Variants in PI4KA observed in about 807,000 individuals in gnomAD.
The protein encoded by PI4KA is phosphatidylinositol 4-kinase alpha.
Under a neutral mutation model 271.4 loss-of-function variants are expected in PI4KA, and 122 were observed. The observed-to-expected ratio is 0.45, with a 90% CI of 0.39 to 0.52. PI4KA has a LOEUF of 0.52. Ranked by LOEUF, PI4KA falls within the 20% of genes least tolerant of loss-of-function variation. The pLI, the probability that PI4KA is intolerant of heterozygous loss-of-function variation, is 0.00. For synonymous variants in PI4KA, 1,041 were observed against 1,078.8 expected, an observed-to-expected ratio of 0.96 and a Z score of 0.69; for missense variants, 1,969 against 2,769.1, an observed-to-expected ratio of 0.71 and a Z score of 6.48.
At chr22:20,780,020 C>T (rs1203803426) in intron 19 of PI4KA, 1 of 1,614,032 alleles carries the variant, frequency 6.2e-7, no homozygotes, top group Non-Finnish European at 8.5e-7. Context: ...TGCTTGACTT[C>T]AAAACTAAAG....
chr22:20,735,690 CA>C (rs1928625920), intron 32 of PI4KA, among the ~76,000 whole-genome samples: 1 of 152,224 alleles, frequency 6.6e-6, no homozygotes, highest in Admixed American at 6.5e-5. Flanking sequence ...AGGGTGGAGA[CA>C]AAGGCCACAT....
rs764046756 is a variant in PI4KA, at chr22:20,727,222, G to A, written c.4941+8C>T. On this transcript the variant is annotated splice_region_variant and intron_variant, in intron 41 of 54. Coordinates refer to ENST00000255882, the MANE Select transcript of PI4KA (RefSeq NM_058004.4). ...CCAGAGGCCAGCTCAGCAGGGCCCT[G>A]GGCTCACCGGAGGGAAGGACCGCAG... 16 of 1,611,070 alleles carry A rather than the reference G, an allele frequency of 9.9e-6. No individual in the cohort carries two copies. In the East Asian group the frequency reaches 3.3e-4, roughly 34 times the overall value.
At chr22:20,801,221 G>C (rs892088566) in intron 14 of PI4KA, among the ~76,000 whole-genome samples, 12 of 151,754 alleles carry the variant, frequency 7.9e-5, no homozygotes, top group African/African-American at 2.9e-4. Flanking sequence ...GAAAAGAAAA[G>C]AAGTAACAAG....
intron 1 of PI4KA, among the ~76,000 whole-genome samples, chr22:20,847,355 G>C (rs1226589290): frequency 6.6e-6 from 1 of 152,202 alleles, no homozygotes; most frequent in Non-Finnish European, 1.5e-5. Flanking sequence ...GGGAGGCCAA[G>C]GCAGGAGGAT....
At chr22:20,783,523 A>G (rs986308859) in intron 19 of PI4KA, among the ~76,000 whole-genome samples, 38 of 151,938 alleles carry the variant, frequency 2.5e-4, no homozygotes, top group Admixed American at 2.4e-3. Flanking sequence ...AGGCTGAGGC[A>G]GGAGGATTCC....
chr22:20,751,379 G>A lies in PI4KA; in HGVS notation c.3070-3C>T. 1.2e-6 allele frequency: 2 copies of A among 1,612,366 alleles called. No homozygotes were observed. The highest frequency in any genetic ancestry group is 1.7e-6 in the Non-Finnish European group (2 of 1,178,936). ...TAAGGCTGATCCTTGTGAATATCCT[G>A]CAAGCACAGCAAGACTCCCTCTTCC... On this transcript the variant is annotated splice_region_variant and splice_polypyrimidine_tract_variant and intron_variant, in intron 26 of 54. Coordinates refer to ENST00000255882, the MANE Select transcript of PI4KA (RefSeq NM_058004.4).
chr22:20,813,364 TAA>T lies in PI4KA; in HGVS notation c.997_998del (p.Leu333LysfsTer8). 6.2e-7 allele frequency: 1 copy of T among 1,613,390 alleles called. No homozygotes were observed. The highest frequency in any genetic ancestry group is 8.5e-7 in the Non-Finnish European group (1 of 1,179,298). ...NIPLEMLREL[L>X]NLVKKIVEEA... The stretch of plus-strand genomic sequence containing the variant: ...CCATCAGTTCTTTGCTTACCAGGTT[TAA>T]GAGTTCCCGAAGCATTTCCAATGGA... On this transcript the variant is annotated frameshift_variant, in exon 8 of 55. Transcript: ENST00000255882. LOFTEE classifies it high-confidence loss of function.
At position 20,725,530 on chromosome 22, in the gene PI4KA, T is replaced by C. The variant is rs1451811063; in HGVS notation, c.4995+958A>G. ...TAATCTAGTATGACAGGTGTTCTTA[T>C]AAGGGGAGATTAGGACACAGACACA... On this transcript the variant is annotated intron_variant, in intron 42 of 54. Transcript: ENST00000255882. 2.0e-5 allele frequency: 9 copies of C among 449,976 alleles called. 1 individual carries two copies. Among genetic ancestry groups the C allele is most frequent in the South Asian group, 6.3e-5 (4 of 63,922 alleles). The allele number at this position is 449,976 out of a possible 1,614,324, so 27.9% of individuals were successfully genotyped here. A position where few individuals can be genotyped will look rare whatever the true frequency, so the allele number is the denominator to read the frequency against.
chr22:20,725,770 C>A, intron 42 of PI4KA: 1 of 300,396 alleles, frequency 3.3e-6, no homozygotes, highest in South Asian at 2.9e-5. Flanking sequence ...GTCGCACACG[C>A]CTGTCATCCC....
At chr22:20,803,356 G>C in intron 12 of PI4KA, 36 bp from the exon 13 acceptor site, 1 of 1,612,892 alleles carries the variant, frequency 6.2e-7, no homozygotes, top group Non-Finnish European at 8.5e-7. Context: ...ATGGCCTGTG[G>C]TATGGGACCA....
chr22:20,770,074 G>A (rs1283416790), intron 19 of PI4KA, among the ~76,000 whole-genome samples: 1 of 152,064 alleles, frequency 6.6e-6, no homozygotes, highest in African/African-American at 2.4e-5. Flanking sequence ...TAGAGACAGG[G>A]TCTCACTCTG....
At chr22:20,838,533 G>A (rs1925162546) in intron 2 of PI4KA, 82 bp downstream of exon 2, 1 of 792,574 alleles carries the variant, frequency 1.3e-6, no homozygotes, top group Non-Finnish European at 2.2e-6. Context: ...ATTGCTTTAG[G>A]TAAATATAAG....
chr22:20,718,445 CTG>C (rs1388397637), intron 44 of PI4KA, among the ~76,000 whole-genome samples: 2 of 152,196 alleles, frequency 1.3e-5, no homozygotes, highest in Non-Finnish European at 2.9e-5. Flanking sequence ...TGAAACTAAG[CTG>C]TGTTTCCTGA....
rs752696900 is a variant in PI4KA at position 20,726,547 on chromosome 22, G to A, written c.4942-6C>T. ...ATGTAGAAGAGGATGGCGTCCTGTGGAGGTGGAGCAGAGTTGGCCATGACT... is the reference window on the plus strand; with the variant it reads ...ATGTAGAAGAGGATGGCGTCCTGTGAAGGTGGAGCAGAGTTGGCCATGACT... On this transcript the variant is annotated splice_region_variant and splice_polypyrimidine_tract_variant and intron_variant, in intron 41 of 54. Coordinates refer to ENST00000255882, the MANE Select transcript of PI4KA (RefSeq NM_058004.4). The A allele has an allele frequency of 1.2e-5, 19 of 1,586,744 alleles. No homozygotes were observed. Among genetic ancestry groups the A allele is most frequent in the Non-Finnish European group, 1.5e-5 (17 of 1,168,684 alleles).
At chr22:20,829,476 A>T (rs1451332603) in intron 3 of PI4KA, among the ~76,000 whole-genome samples, 1 of 150,022 alleles carries the variant, frequency 6.7e-6, no homozygotes, top group Non-Finnish European at 1.5e-5. Context: ...GGGTTTTTTT[A>T]TTATTATTAT....
chr22:20,801,850 C>T, intron 14 of PI4KA, 123 bp downstream of exon 14: 1 of 1,065,426 alleles, frequency 9.4e-7, no homozygotes, highest in Non-Finnish European at 1.4e-6. Flanking sequence ...TGTGCCACTG[C>T]ATTCCAGCCT....
chr22:20,834,514 A>T, intron 3 of PI4KA, 48 bp downstream of exon 3: 1 of 1,084,384 alleles, frequency 9.2e-7, no homozygotes, highest in South Asian at 1.3e-5. Flanking sequence ...CAGACACTGA[A>T]CATGTGTATT....
At chr22:20,749,385 C>T (rs1930436333) in intron 28 of PI4KA, among the ~76,000 whole-genome samples, 2 of 152,248 alleles carry the variant, frequency 1.3e-5, no homozygotes, top group African/African-American at 2.4e-5. Context: ...CACCCTGTGG[C>T]ATTACATGGT....
At chr22:20,837,749 A>C (rs1220620866) in intron 2 of PI4KA, among the ~76,000 whole-genome samples, 2 of 152,196 alleles carry the variant, frequency 1.3e-5, no homozygotes, top group African/African-American at 4.8e-5. Context: ...ATAAAAATAC[A>C]CATACACAAC....
Sources: gnomAD v4.1 joint callset for allele counts (sites outside exome capture counted in the v4.1 genomes callset) on GRCh38, gnomAD v4.1.1 for gene constraint, MANE v1.5 for transcripts, NCBI Gene and HGNC (gene_info 2026-07-23, HGNC 2026-07-21) for gene names.